Variants in GPC5 observed in about 807,000 individuals in gnomAD.
The protein encoded by GPC5 is glypican-5.
GPC5 carries 47 observed loss-of-function variants against 53.9 expected under a neutral mutation model. The ratio of observed to expected loss-of-function variants is 0.87; its 90% CI spans 0.69 to 1.11. The LOEUF is 1.11. GPC5 is among the 50% of genes most tolerant of loss of function. The probability of loss-of-function intolerance (pLI) is 0.00; values close to 1 mark genes in which losing one functional copy is unlikely to be tolerated. For synonymous variants in GPC5, 286 were observed against 263.3 expected (o/e 1.09, Z -0.84); for missense variants, 748 against 713.1 (o/e 1.05, Z -0.56).
chr13:91,556,614 T>A (rs919882816), intron 2 of GPC5, among the ~76,000 whole-genome samples: 3 of 151,352 alleles, frequency 2.0e-5, no homozygotes, highest in East Asian at 3.9e-4. Flanking sequence ...CACACATATA[T>A]ACACACCATG....
At position 91,756,391 on chromosome 13, in the gene GPC5, C is replaced by T. The variant is rs759598195; in HGVS notation, c.1251C>T (p.Pro417=). ...ANELAAADGL[P]CWNGEDIVKS... ...AATTAGCTGCTGCAGATGGACTTCCCTGCTGGAATGGAGAAGATATAGTAA... is the reference window on the plus strand; with the variant it reads ...AATTAGCTGCTGCAGATGGACTTCCTTGCTGGAATGGAGAAGATATAGTAA... The change falls in exon 5 of 8, where the codon CCC becomes CCT. Residue 417 remains proline, a synonymous_variant. Coordinates refer to ENST00000377067, the MANE Select transcript of GPC5 (RefSeq NM_004466.6). 2 of 1,594,910 alleles carry T rather than the reference C, an allele frequency of 1.3e-6. No homozygotes were observed. The highest frequency in any genetic ancestry group is 1.7e-5 in the Admixed American group (1 of 59,616).
At chr13:92,652,116 T>C (rs1412033389) in intron 7 of GPC5, among the ~76,000 whole-genome samples, 1 of 152,152 alleles carries the variant, frequency 6.6e-6, no homozygotes, top group Non-Finnish European at 1.5e-5. Flanking sequence ...AATGTGGGCA[T>C]AGGGTTTTTT....
At chr13:92,629,907 T>C (rs1427615972) in intron 7 of GPC5, among the ~76,000 whole-genome samples, 1 of 152,318 alleles carries the variant, frequency 6.6e-6, no homozygotes, top group East Asian at 1.9e-4. Context: ...AAATACTTGA[T>C]GACAGGTCCT....
intron 7 of GPC5, among the ~76,000 whole-genome samples, chr13:92,755,966 CCT>C (rs1874842699): frequency 6.6e-6 from 1 of 151,568 alleles, no homozygotes; most frequent in Non-Finnish European, 1.5e-5. Flanking sequence ...GGGAATCCTC[CCT>C]AACTCATTTT....
At chr13:92,047,143 T>C (rs1188731367) in intron 6 of GPC5, among the ~76,000 whole-genome samples, 2 of 152,168 alleles carry the variant, frequency 1.3e-5, no homozygotes, top group Non-Finnish European at 2.9e-5. Context: ...GGGACCCTGG[T>C]TTGATATGAA....
intron 6 of GPC5, among the ~76,000 whole-genome samples, chr13:92,058,409 C>A (rs2041093693): frequency 6.6e-6 from 1 of 152,106 alleles, no homozygotes; most frequent in Non-Finnish European, 1.5e-5. Context: ...CAGAGAGTTT[C>A]CATACAGCCC....
intron 7 of GPC5, among the ~76,000 whole-genome samples, chr13:92,830,824 A>T (rs928143499): frequency 1.3e-5 from 2 of 152,162 alleles, no homozygotes; most frequent in African/African-American, 4.8e-5. Flanking sequence ...GATAATTTTT[A>T]AAATGTGGTT....
rs778233578 is a variant in GPC5 at position 92,140,658 on chromosome 13, TCA to T, written c.1402-4169_1402-4168del. On this transcript the variant is annotated intron_variant, in intron 6 of 7. Transcript: ENST00000377067. ...AACCAGTGGTTTTGACAGTAAAGAA[TCA>T]CAGAGAGCAGTAAGGCTGAAAAATG... 3.9e-5 allele frequency among the ~76,000 whole-genome samples: 6 copies of T among 152,280 alleles called. No individual in the cohort carries two copies. In the East Asian group the frequency reaches 9.7e-4, roughly 25 times the overall value.
intron 2 of GPC5, among the ~76,000 whole-genome samples, chr13:91,576,777 C>A (rs2032153717): frequency 6.6e-6 from 1 of 152,128 alleles, no homozygotes; most frequent in African/African-American, 2.4e-5. Context: ...AGGGAGGAAG[C>A]AGAAATCTCC....
At chr13:91,521,613 T>G (rs966261235) in intron 2 of GPC5, among the ~76,000 whole-genome samples, 1 of 152,238 alleles carries the variant, frequency 6.6e-6, no homozygotes, top group Non-Finnish European at 1.5e-5. Flanking sequence ...TCAAAGTGTT[T>G]TATTTTTTTC....
chr13:91,542,052 A>T (rs1039326047), intron 2 of GPC5, among the ~76,000 whole-genome samples: 1 of 94,964 alleles, frequency 1.1e-5, no homozygotes, highest in Non-Finnish European at 2.4e-5. Context: ...TTAATATTAA[A>T]TAACACTCTT....
At chr13:91,586,559 TATGTAGAG>T in intron 2 of GPC5, among the ~76,000 whole-genome samples, 1 of 29,098 alleles carries the variant, frequency 3.4e-5, no homozygotes, top group Non-Finnish European at 5.5e-5. Flanking sequence ...TATATATATA[TATGTAGAG>T]AGAGAGAGAG....
chr13:91,454,373 TG>T (rs1881394571), intron 2 of GPC5, among the ~76,000 whole-genome samples: 2 of 152,112 alleles, frequency 1.3e-5, no homozygotes, highest in Admixed American at 1.3e-4. Context: ...AACTTTTAGT[TG>T]TTTTAATTCT....
At chr13:91,859,829 A>T (rs1429649022) in intron 5 of GPC5, among the ~76,000 whole-genome samples, 1 of 151,486 alleles carries the variant, frequency 6.6e-6, no homozygotes, top group Non-Finnish European at 1.5e-5. Flanking sequence ...AAACATATGT[A>T]TTTTTCCAAT....
chr13:92,331,290 C>A (rs533935161), intron 7 of GPC5, among the ~76,000 whole-genome samples: 1 of 152,048 alleles, frequency 6.6e-6, no homozygotes, highest in African/African-American at 2.4e-5. Flanking sequence ...ACAATTATTA[C>A]AAAATGCTTC....
chr13:92,631,280 A>G (rs1885228125), intron 7 of GPC5, among the ~76,000 whole-genome samples: 1 of 152,150 alleles, frequency 6.6e-6, no homozygotes, highest in African/African-American at 2.4e-5. Context: ...GCCTGCTTTT[A>G]AATATTTTAA....
At chr13:91,753,986 A>G (rs1188794265) in intron 4 of GPC5, among the ~76,000 whole-genome samples, 1 of 152,210 alleles carries the variant, frequency 6.6e-6, no homozygotes, top group Non-Finnish European at 1.5e-5. Flanking sequence ...AGTACTCAGT[A>G]GCATTTATTA....
At chr13:92,166,793 T>C (rs1413792243) in intron 7 of GPC5, among the ~76,000 whole-genome samples, 1 of 152,108 alleles carries the variant, frequency 6.6e-6, no homozygotes, top group African/African-American at 2.4e-5. Context: ...TGAATAATGG[T>C]GGGAACTTAT....
In GPC5 at chr13:92,509,945, A is replaced by G. The variant is rs559540620; in HGVS notation, c.1562-356337A>G. ...AAACATGCAATCACATTTTACTATTATATGCTATACACATACTCTAAATGT... is the reference window on the plus strand; with the variant it reads ...AAACATGCAATCACATTTTACTATTGTATGCTATACACATACTCTAAATGT... On this transcript the variant is annotated intron_variant, in intron 7 of 7. Transcript: ENST00000377067. The G allele has an allele frequency of 9.2e-5, 14 of 152,290 alleles. No individual in the cohort carries two copies. The South Asian group carries it at 2.7e-3, about 29-fold the overall frequency. The allele number at this position is 152,290 out of a possible 1,614,324, so 9.4% of individuals were successfully genotyped here. A position where few individuals can be genotyped will look rare whatever the true frequency, so the allele number is the denominator to read the frequency against.
Sources: gnomAD v4.1 joint callset for allele counts (sites outside exome capture counted in the v4.1 genomes callset) on GRCh38, gnomAD v4.1.1 for gene constraint, MANE v1.5 for transcripts, NCBI Gene and HGNC (gene_info 2026-07-23, HGNC 2026-07-21) for gene names.